Variants in TENM3 observed in about 807,000 individuals in gnomAD.
TENM3 encodes teneurin transmembrane protein 3, also known as teneurin-3.
Under a neutral mutation model 255.1 loss-of-function variants are expected in TENM3, and 63 were observed. The observed-to-expected ratio is 0.25, with a 90% CI of 0.20 to 0.30. The LOEUF (loss-of-function observed/expected upper bound fraction) is 0.30. Among genes scored for constraint, TENM3 ranks in the 10% least tolerant of loss-of-function variants. TENM3 has a pLI of 1.00. For missense variants in TENM3, 2,929 were observed against 3,461.1 expected, an observed-to-expected ratio of 0.85 and a Z score of 3.86; for synonymous variants, 1,306 against 1,322.3, an observed-to-expected ratio of 0.99 and a Z score of 0.27.
the TENM3 span, among the ~76,000 whole-genome samples, chr4:181,756,470 G>A: frequency 6.6e-6 from 1 of 152,166 alleles, no homozygotes; most frequent in Admixed American, 6.6e-5. Context: ...TGAAACAGGT[G>A]CTGCTGGAAG....
the TENM3 span, among the ~76,000 whole-genome samples, chr4:182,102,545 C>CA: frequency 4.5e-4 from 69 of 151,664 alleles, no homozygotes; most frequent in African/African-American, 1.4e-3. Context: ...TATCAAATGA[C>CA]AAAAAAAAGA....
chr4:181,872,696 T>C, the TENM3 span, among the ~76,000 whole-genome samples: 3 of 152,226 alleles, frequency 2.0e-5, no homozygotes, highest in African/African-American at 2.4e-5. Flanking sequence ...ATTTTTTTCT[T>C]GATCAGTCTT....
Position 182,604,445 on chromosome 4 carries a change from G to A in TENM3, c.749+3284G>A, listed in dbSNP as rs912997330. Among the ~76,000 whole-genome samples, 7 of 152,228 alleles carry A rather than the reference G, an allele frequency of 4.6e-5. No individual in the cohort carries two copies. In the South Asian group the frequency reaches 1.2e-3, roughly 27 times the overall value. On this transcript the variant is annotated intron_variant, in intron 4 of 27. Coordinates refer to ENST00000511685, the MANE Select transcript of TENM3 (RefSeq NM_001080477.4). ...ATACTTTGGATTATTCACTTTTAGG[G>A]CATTGGAGAGCCTATAGCTTGCCCT...
chr4:182,118,318 T>C, the TENM3 span, among the ~76,000 whole-genome samples: 8 of 152,178 alleles, frequency 5.3e-5, no homozygotes, highest in African/African-American at 1.9e-4. Flanking sequence ...TCAAGTACAA[T>C]GATGAAAAGC....
intron 27 of TENM3, among the ~76,000 whole-genome samples, 195 bp downstream of exon 27, chr4:182,796,962 T>C (rs1191057686): frequency 6.6e-6 from 1 of 152,220 alleles, no homozygotes; most frequent in African/African-American, 2.4e-5. Context: ...CTTAAATATG[T>C]TTTCAGCAAT....
the TENM3 span, among the ~76,000 whole-genome samples, chr4:182,134,244 A>C: frequency 6.6e-6 from 1 of 152,330 alleles, no homozygotes; most frequent in East Asian, 1.9e-4. Context: ...CTAGTTTCTA[A>C]GTCACACTGT....
the TENM3 span, among the ~76,000 whole-genome samples, chr4:181,660,002 C>T: frequency 6.6e-6 from 1 of 152,250 alleles, no homozygotes; most frequent in South Asian, 2.1e-4. Context: ...ACTAAGACGG[C>T]TCTGCGGTGG....
the TENM3 span, among the ~76,000 whole-genome samples, chr4:181,879,404 C>T: frequency 6.6e-6 from 1 of 152,072 alleles, no homozygotes; most frequent in Admixed American, 6.6e-5. Context: ...CAATGACCTT[C>T]TTAACTGATT....
intron 3 of TENM3, among the ~76,000 whole-genome samples, chr4:182,432,746 C>T (rs13115578): frequency 0.59 from 89,212 of 151,826 alleles, 26,774 homozygotes; most frequent in East Asian, 0.77. Context: ...AGAGGCGAGG[C>T]CACAAAGGAT....
the TENM3 span, among the ~76,000 whole-genome samples, chr4:181,940,296 T>G: frequency 1.3e-5 from 2 of 152,168 alleles, no homozygotes; most frequent in East Asian, 1.9e-4. Context: ...TCAGCTTGCT[T>G]TACTAAAGGA....
chr4:182,552,985 G>A (rs17323793), intron 3 of TENM3, among the ~76,000 whole-genome samples: 25,901 of 152,128 alleles, frequency 0.17, 2,317 homozygotes, highest in Middle Eastern at 0.21. Flanking sequence ...ACTTGGTTCC[G>A]GGACATGCAT....
chr4:181,696,067 G>T, the TENM3 span, among the ~76,000 whole-genome samples: 2 of 152,166 alleles, frequency 1.3e-5, no homozygotes, highest in East Asian at 1.9e-4. Context: ...CCGGACACGC[G>T]TTTGTATTTT....
intron 2 of TENM3, among the ~76,000 whole-genome samples, chr4:182,325,766 A>T (rs189140501): frequency 3.3e-5 from 5 of 152,322 alleles, no homozygotes; most frequent in African/African-American, 1.2e-4. Context: ...AAAATTAAAA[A>T]AACCCAAACT....
chr4:181,641,458 T>C, the TENM3 span, among the ~76,000 whole-genome samples: 6 of 148,182 alleles, frequency 4.0e-5, no homozygotes, highest in African/African-American at 1.5e-4. Flanking sequence ...CTTGTGTTAA[T>C]TTGCTGAGAA....
At chr4:181,716,388 T>C in the TENM3 span, among the ~76,000 whole-genome samples, 31 of 152,362 alleles carry the variant, frequency 2.0e-4, no homozygotes, top group African/African-American at 7.0e-4. Context: ...AGTACATTGC[T>C]GTTCTTACTA....
intron 1 of TENM3, among the ~76,000 whole-genome samples, chr4:182,228,997 G>C (rs1756380534): frequency 6.6e-6 from 1 of 152,174 alleles, no homozygotes. Context: ...GGTTGGGCTG[G>C]TGGATGACAC....
In TENM3 at chr4:182,781,891, G is replaced by A. The variant is rs1306543578; in HGVS notation, c.5304+6738G>A. 1.5e-4 allele frequency among the ~76,000 whole-genome samples: 22 copies of A among 150,972 alleles called. No individual in the cohort carries two copies. In the South Asian group the frequency reaches 1.7e-3, roughly 12 times the overall value. ...TGGTACTTTGTATTTCTGTGGGATC[G>A]GTGGTGATATCCCCTTTATCATTTT... On this transcript the variant is annotated intron_variant, in intron 24 of 27. Coordinates refer to ENST00000511685, the MANE Select transcript of TENM3 (RefSeq NM_001080477.4).
chr4:182,036,533 GC>G, the TENM3 span, among the ~76,000 whole-genome samples: 11 of 152,246 alleles, frequency 7.2e-5, no homozygotes, highest in South Asian at 2.1e-4. Context: ...CAAAGGCTGT[GC>G]CTGGCTTTAT....
chr4:182,044,140 C>T, the TENM3 span, among the ~76,000 whole-genome samples: 3,808 of 152,210 alleles, frequency 0.025, 165 homozygotes, highest in African/African-American at 0.085. Flanking sequence ...AAGGATATAT[C>T]TTGATGAGGA....
Sources: allele counts gnomAD v4.1 joint callset (sites outside exome capture counted in the v4.1 genomes callset), GRCh38; gene constraint gnomAD v4.1.1; transcripts MANE v1.5; gene names NCBI Gene and HGNC (gene_info 2026-07-23, HGNC 2026-07-21).